Variants in HMX1 observed in about 807,000 individuals in gnomAD.
HMX1 encodes homeobox protein HMX1.
In HMX1, 8 loss-of-function variants were observed where a neutral mutation model predicts 8.9. The ratio of observed to expected loss-of-function variants is 0.90; its 90% CI spans 0.53 to 1.63. The LOEUF (loss-of-function observed/expected upper bound fraction) is 1.63. Among genes scored for constraint, HMX1 ranks in the 40% most tolerant of loss-of-function variants. HMX1 has a pLI of 0.00. For missense variants in HMX1, 621 were observed against 558.5 expected, an observed-to-expected ratio of 1.11 and a Z score of -1.13; for synonymous variants, 311 against 283.4, an observed-to-expected ratio of 1.10 and a Z score of -0.98.
Position 8,853,220 on chromosome 4 carries a change from A to G in HMX1, c.395-6896T>C, listed in dbSNP as rs1721507502. Among the ~76,000 whole-genome samples, 1 of 152,228 alleles carries G rather than the reference A, an allele frequency of 6.6e-6. No homozygotes were observed. Among genetic ancestry groups the G allele is most frequent in the Non-Finnish European group, 1.5e-5 (1 of 68,040 alleles). On this transcript the variant is annotated intron_variant, in intron 1 of 1. Transcript: ENST00000506970. This position sits in a 1 kb window ranked among gnomAD's most constrained non-coding sequence, Gnocchi z 4.7. ...TTGTTTGTTTCTCACAAACAAATAAATGAGTGAAGCTGGTAAACCATCCAG... is the reference window on the plus strand; with the variant it reads ...TTGTTTGTTTCTCACAAACAAATAAGTGAGTGAAGCTGGTAAACCATCCAG...
downstream of HMX1, among the ~76,000 whole-genome samples, chr4:8,865,943 G>T (rs984080052): frequency 1.1e-4 from 17 of 152,208 alleles, no homozygotes; most frequent in Non-Finnish European, 1.8e-4. Context: ...TGGGGACTGG[G>T]TTGGGGGAGG....
downstream of HMX1, among the ~76,000 whole-genome samples, chr4:8,866,888 G>C (rs187220695): frequency 6.6e-6 from 1 of 152,090 alleles, no homozygotes; most frequent in Non-Finnish European, 1.5e-5. Flanking sequence ...GGGGCACAGC[G>C]CTCATCACCT....
chr4:8,860,459 G>C (rs959743627), intron 1 of HMX1, among the ~76,000 whole-genome samples: 21 of 152,228 alleles, frequency 1.4e-4, no homozygotes, highest in Non-Finnish European at 2.2e-4. Flanking sequence ...TGGGCAAGAC[G>C]GGCTCAGAGA....
rs1261966933 is a variant in HMX1 at position 8,870,186 on chromosome 4, C to A, written c.394+1035G>T. Among the ~76,000 whole-genome samples the A allele has an allele frequency of 1.3e-5, 2 of 151,466 alleles. No individual in the cohort carries two copies. Among genetic ancestry groups the A allele is most frequent in the Non-Finnish European group, 2.9e-5 (2 of 67,920 alleles). ...AGAGCCGGAGCCTGCAGAGGGCCCA[C>A]GTCCTCAGCTGGCCTCAAGGTCCAA... On this transcript the variant is annotated intron_variant, in intron 1 of 1. Transcript: ENST00000400677. The surrounding 1 kb of genome is among the most constrained non-coding windows in gnomAD (Gnocchi z 4.4).
rs1722054435 is a variant in HMX1, at chr4:8,867,750, G to A, written c.990C>T (p.Ala330=). Residue 330 remains alanine (A), a synonymous_variant, in exon 2 of 2, where the codon GCC becomes GCT. Coordinates refer to ENST00000400677, the MANE Select transcript of HMX1 (RefSeq NM_018942.3). ...FSGALAYPLA[A]FPAAASVPFL... is the part of the protein sequence containing the mutation. ...AGGGCACGGAGGCGGCGGCCGGGAAGGCGGCCAGCGGGTAGGCGAGGGCCC... is the reference window on the plus strand; with the variant it reads ...AGGGCACGGAGGCGGCGGCCGGGAAAGCGGCCAGCGGGTAGGCGAGGGCCC... 1.6e-5 allele frequency: 20 copies of A among 1,288,704 alleles called. No homozygotes were observed. Among genetic ancestry groups the A allele is most frequent in the Non-Finnish European group, 2.0e-5 (20 of 1,021,688 alleles). 79.8% of individuals were successfully genotyped at this position (1,288,704 alleles called of 1,614,324 possible).
exon 2 of HMX1, chr4:8,846,310 T>C: frequency 2.6e-6 from 4 of 1,534,856 alleles, no homozygotes; most frequent in Non-Finnish European, 3.5e-6. Context: ...GGCTGAGGTG[T>C]AATCTTCTGT....
At chr4:8,865,728 C>A (rs1721974351), downstream of HMX1, among the ~76,000 whole-genome samples, 1 of 151,974 alleles carries the variant, frequency 6.6e-6, no homozygotes, top group African/African-American at 2.4e-5. Flanking sequence ...CTGGGACACC[C>A]CTTGCCCCTC....
chr4:8,868,356 G>T lies in HMX1; in HGVS notation c.395-11C>A. ...AGTCCCGGTCGCTGGCTGCAGGGGA[G>T]AGAGGGCACCACCGTTGGTTCTAGG... On this transcript the variant is annotated splice_polypyrimidine_tract_variant and intron_variant, in intron 1 of 1. Coordinates refer to ENST00000400677, the MANE Select transcript of HMX1 (RefSeq NM_018942.3). The surrounding 1 kb of genome is among the most constrained non-coding windows in gnomAD (Gnocchi z 4.6). The T allele has an allele frequency of 7.3e-7, 1 of 1,362,482 alleles. No individual in the cohort carries two copies. The highest frequency in any genetic ancestry group is 9.4e-7 in the Non-Finnish European group (1 of 1,065,486). The allele number at this position is 1,362,482 out of a possible 1,614,324, so 84.4% of individuals were successfully genotyped here. A position where few individuals can be genotyped will look rare whatever the true frequency, so the allele number is the denominator to read the frequency against.
rs1229852520 is a variant in HMX1, at chr4:8,853,279, A to T, written c.395-6955T>A. Among the ~76,000 whole-genome samples the T allele has an allele frequency of 1.3e-5, 2 of 152,134 alleles. No individual in the cohort carries two copies. The highest frequency in any genetic ancestry group is 6.5e-5 in the Admixed American group (1 of 15,284). ...ACAGCTCTGCCCCAGGTCACCAGGGACCTGGCTCCTTCTATCCGAGGCTCT... is the reference window on the plus strand; with the variant it reads ...ACAGCTCTGCCCCAGGTCACCAGGGTCCTGGCTCCTTCTATCCGAGGCTCT... On this transcript the variant is annotated intron_variant, in intron 1 of 1. Transcript: ENST00000506970. The surrounding 1 kb of genome is among the most constrained non-coding windows in gnomAD (Gnocchi z 4.7).
In HMX1 at chr4:8,871,205, C is replaced by T. The variant is rs900051324; in HGVS notation, c.394+16G>A. On this transcript the variant is annotated intron_variant, in intron 1 of 1. Coordinates refer to ENST00000400677, the MANE Select transcript of HMX1 (RefSeq NM_018942.3). This position sits in a 1 kb window ranked among gnomAD's most constrained non-coding sequence, Gnocchi z 4.8. ...GGCCCCACCGCCTGACCCACCCTCC[C>T]CGCGCCCTCACTCACTGTCAGGACT... The T allele has an allele frequency of 2.8e-6, 4 of 1,417,682 alleles. No individual in the cohort carries two copies. Among genetic ancestry groups the T allele is most frequent in the African/African-American group, 1.5e-5 (1 of 65,944 alleles). The allele number at this position is 1,417,682 out of a possible 1,614,324, so 87.8% of individuals were successfully genotyped here.
chr4:8,857,577 C>A (rs950409488), intron 1 of HMX1, among the ~76,000 whole-genome samples: 1 of 152,200 alleles, frequency 6.6e-6, no homozygotes, highest in African/African-American at 2.4e-5. Flanking sequence ...CCTCCGCACC[C>A]CCCCGCCCCC....
At chr4:8,857,229 G>C (rs1241407217) in intron 1 of HMX1, among the ~76,000 whole-genome samples, 1 of 152,238 alleles carries the variant, frequency 6.6e-6, no homozygotes, top group Non-Finnish European at 1.5e-5. Context: ...GAAGCGTCGG[G>C]GACAGATGGG....
chr4:8,871,141 A>G lies in HMX1; in HGVS notation c.394+80T>C. ...GGATGGCCCAGAACGGGCGGCGACG[A>G]GCCCGAAGTCCCCCAGCAAATGCGC... is the stretch of plus-strand genomic sequence containing the variant. On this transcript the variant is annotated intron_variant, in intron 1 of 1. Transcript: ENST00000400677. The surrounding 1 kb of genome is among the most constrained non-coding windows in gnomAD (Gnocchi z 4.8). 2 of 1,251,596 alleles carry G rather than the reference A, an allele frequency of 1.6e-6. No homozygotes were observed. Among genetic ancestry groups the G allele is most frequent in the Non-Finnish European group, 2.0e-6 (2 of 985,796 alleles). The allele number at this position is 1,251,596 out of a possible 1,614,324, so 77.5% of individuals were successfully genotyped here.
chr4:8,860,156 G>C (rs926849234), intron 1 of HMX1, among the ~76,000 whole-genome samples: 5 of 152,240 alleles, frequency 3.3e-5, no homozygotes, highest in African/African-American at 1.2e-4. Context: ...TGCGCGCGGC[G>C]TGGCTGCCCT....
Position 8,871,785 on chromosome 4 carries a change from G to C in HMX1, c.-171C>G, listed in dbSNP as rs886315821. The C allele has an allele frequency of 1.1e-4, 92 of 873,750 alleles. No homozygotes were observed. Among genetic ancestry groups the C allele is most frequent in the Middle Eastern group, 5.7e-4 (1 of 1,762 alleles). The allele number at this position is 873,750 out of a possible 1,614,324, so 54.1% of individuals were successfully genotyped here. On this transcript the variant is annotated 5_prime_UTR_variant, in exon 1 of 2. Transcript: ENST00000400677. The surrounding 1 kb of genome is among the most constrained non-coding windows in gnomAD (Gnocchi z 4.8). ...TCCGCGCCGGGCTGGGCTGGGCCGG[G>C]CCGGGAGCGAGTGCGCGCCGACAGC... is the stretch of plus-strand genomic sequence containing the variant.
At chr4:8,851,981 C>A (rs901272418) in intron 1 of HMX1, among the ~76,000 whole-genome samples, 1 of 152,264 alleles carries the variant, frequency 6.6e-6, no homozygotes, top group Non-Finnish European at 1.5e-5. Flanking sequence ...CAACAGAAAA[C>A]CATAAAGGGC....
Position 8,868,926 on chromosome 4 carries a change from T to A in HMX1, c.395-581A>T, listed in dbSNP as rs1350430548. 6.6e-6 allele frequency among the ~76,000 whole-genome samples: 1 copy of A among 152,006 alleles called. No individual in the cohort carries two copies. Among genetic ancestry groups the A allele is most frequent in the Non-Finnish European group, 1.5e-5 (1 of 68,008 alleles). On this transcript the variant is annotated intron_variant, in intron 1 of 1. Transcript: ENST00000400677. This position sits in a 1 kb window ranked among gnomAD's most constrained non-coding sequence, Gnocchi z 4.6. ...CCGCTTGCACAGAAACATTCCATAG[T>A]AGGAGGACAAACCAATGCAAAGGAT...
At chr4:8,857,582 G>GC (rs1368328169) in intron 1 of HMX1, among the ~76,000 whole-genome samples, 3 of 142,884 alleles carry the variant, frequency 2.1e-5, no homozygotes, top group Non-Finnish European at 4.6e-5. Flanking sequence ...GCACCCCCCC[G>GC]CCCCCCTGCC....
At position 8,849,419 on chromosome 4, in the gene HMX1, C is replaced by T. The variant is rs575757074; in HGVS notation, c.395-3095G>A. Among the ~76,000 whole-genome samples the T allele has an allele frequency of 4.6e-5, 7 of 152,008 alleles. No individual in the cohort carries two copies. The highest frequency in any genetic ancestry group is 1.4e-4 in the African/African-American group (6 of 41,460). ...GAAGGCGGGCACTCAGCTGGCACCA[C>T]GTGGCCTTGAGCCACAGATTGCCAG... On this transcript the variant is annotated intron_variant, in intron 1 of 1. Coordinates refer to the HMX1 transcript ENST00000506970. The surrounding 1 kb of genome is among the most constrained non-coding windows in gnomAD (Gnocchi z 6.6).
Sources: allele counts gnomAD v4.1 joint callset (sites outside exome capture counted in the v4.1 genomes callset), GRCh38; gene constraint gnomAD v4.1.1; non-coding constraint Gnocchi (gnomAD v3.1); transcripts MANE v1.5; gene names NCBI Gene and HGNC (gene_info 2026-07-23, HGNC 2026-07-21).